The following CSGALNACT1 variants were observed in gnomAD, a reference collection of about 807,000 sequenced individuals.
The protein encoded by CSGALNACT1 is beta4GalNAcT-1.
In CSGALNACT1, 52 loss-of-function variants were observed where a neutral mutation model predicts 51.0. The observed-to-expected ratio is 1.02, with a 90% CI of 0.82 to 1.29. The LOEUF (loss-of-function observed/expected upper bound fraction) is 1.29, where lower values mean the gene tolerates loss of function less well. Among genes scored for constraint, CSGALNACT1 ranks in the 50% most tolerant of loss-of-function variants. The pLI is 0.00. For missense variants in CSGALNACT1, 935 were observed against 679.2 expected (o/e 1.38, Z -4.19); for synonymous variants, 341 against 254.4 (o/e 1.34, Z -3.24).
intron 1 of CSGALNACT1, among the ~76,000 whole-genome samples, chr8:19,635,141 C>T (rs747178517): frequency 1.3e-5 from 2 of 152,212 alleles, no homozygotes; most frequent in Non-Finnish European, 2.9e-5. Flanking sequence ...CACTGCCGTG[C>T]CCTGGGCCTG....
chr8:19,658,837 A>C (rs2058520671), intron 1 of CSGALNACT1, among the ~76,000 whole-genome samples: 1 of 152,206 alleles, frequency 6.6e-6, no homozygotes, highest in Non-Finnish European at 1.5e-5. Context: ...AACTACTTTA[A>C]GGGAATTGAG....
At chr8:19,420,264 T>C in intron 7 of CSGALNACT1, 76 bp downstream of exon 6, 1 of 1,309,288 alleles carries the variant, frequency 7.6e-7, no homozygotes. Context: ...TCAGAGTGAC[T>C]GACCCATCAA....
intron 4 of CSGALNACT1, 76 bp from the exon 4 acceptor site, chr8:19,458,718 G>T: frequency 1.6e-6 from 2 of 1,236,538 alleles, no homozygotes; most frequent in Non-Finnish European, 2.3e-6. Flanking sequence ...CCGAGATCTA[G>T]CACAGAATGC....
intron 6 of CSGALNACT1, among the ~76,000 whole-genome samples, chr8:19,431,063 C>G (rs543753641): frequency 6.6e-6 from 1 of 152,004 alleles, no homozygotes; most frequent in Non-Finnish European, 1.5e-5. Flanking sequence ...GTTCTTAGCT[C>G]TAATAGTTTT....
At chr8:19,551,697 GT>G (rs1371442263) in intron 3 of CSGALNACT1, among the ~76,000 whole-genome samples, 1 of 152,076 alleles carries the variant, frequency 6.6e-6, no homozygotes, top group Non-Finnish European at 1.5e-5. Flanking sequence ...TTGGCTTTCG[GT>G]ACTCTCCCTT....
intron 3 of CSGALNACT1, among the ~76,000 whole-genome samples, chr8:19,565,482 T>A (rs1316783675): frequency 6.6e-6 from 1 of 152,266 alleles, no homozygotes; most frequent in Non-Finnish European, 1.5e-5. Context: ...TAGTTAGAGA[T>A]ATCTTTCCAA....
chr8:19,747,273 G>A (rs775037068), intron 1 of CSGALNACT1, among the ~76,000 whole-genome samples: 1 of 152,040 alleles, frequency 6.6e-6, no homozygotes, highest in Non-Finnish European at 1.5e-5. Context: ...AAAAAAGCCG[G>A]TATTTCCAAC....
intron 1 of CSGALNACT1, among the ~76,000 whole-genome samples, chr8:19,628,502 C>T (rs555470313): frequency 2.0e-5 from 3 of 152,262 alleles, no homozygotes; most frequent in Admixed American, 1.3e-4. Flanking sequence ...AGAGCCAAAC[C>T]GTATCAACAG....
At chr8:19,703,923 T>C (rs931884796) in intron 1 of CSGALNACT1, among the ~76,000 whole-genome samples, 5 of 152,208 alleles carry the variant, frequency 3.3e-5, no homozygotes, top group Admixed American at 6.5e-5. Flanking sequence ...TCTTACATAG[T>C]ACGGGTGCAT....
chr8:19,640,239 T>G (rs1018925712), intron 1 of CSGALNACT1, among the ~76,000 whole-genome samples: 7 of 152,242 alleles, frequency 4.6e-5, no homozygotes, highest in Admixed American at 1.3e-4. Context: ...TTTGTATATT[T>G]TGCTCACTTT....
intron 3 of CSGALNACT1, among the ~76,000 whole-genome samples, chr8:19,544,857 T>C (rs1395737722): frequency 2.0e-5 from 3 of 152,118 alleles, no homozygotes; most frequent in African/African-American, 4.8e-5. Flanking sequence ...ATCTGAGATA[T>C]AAAAAAAGTT....
rs1284008217 is a variant in CSGALNACT1 at position 19,609,991 on chromosome 8, TG to T, written c.-543-8127del. On this transcript the variant is annotated intron_variant, in intron 1 of 9. Coordinates refer to the CSGALNACT1 transcript ENST00000332246. Reference sequence around the variant, plus strand: ...ATCCCAGCAGTTTGGGAGGCCGAGGTGGGTGGATCACGAGGTCAGGAGTTCA... The same window carrying T: ...ATCCCAGCAGTTTGGGAGGCCGAGGTGGTGGATCACGAGGTCAGGAGTTCA... Among the ~76,000 whole-genome samples, 146 of 151,658 alleles carry T rather than the reference TG, an allele frequency of 9.6e-4. 2 individuals carry two copies. Among genetic ancestry groups the T allele is most frequent in the Admixed American group, 9.6e-3 (146 of 15,236 alleles).
At chr8:19,425,720 A>G (rs2058671893) in intron 6 of CSGALNACT1, among the ~76,000 whole-genome samples, 1 of 152,128 alleles carries the variant, frequency 6.6e-6, no homozygotes, top group African/African-American at 2.4e-5. Context: ...TCGGCTAAAT[A>G]AAACTCGGAT....
intron 1 of CSGALNACT1, among the ~76,000 whole-genome samples, chr8:19,704,654 T>C (rs909176655): frequency 6.6e-6 from 1 of 152,096 alleles, no homozygotes; most frequent in African/African-American, 2.4e-5. Context: ...CAATAAGATA[T>C]GGAAACAATT....
intron 3 of CSGALNACT1, among the ~76,000 whole-genome samples, chr8:19,519,289 G>C (rs980863536): frequency 5.3e-5 from 8 of 152,114 alleles, no homozygotes; most frequent in African/African-American, 1.9e-4. Context: ...ACAAGTTGTT[G>C]ATCCCCATTC....
At chr8:19,593,350 C>G (rs551966031) in intron 2 of CSGALNACT1, among the ~76,000 whole-genome samples, 44 of 152,334 alleles carry the variant, frequency 2.9e-4, no homozygotes, top group African/African-American at 1.0e-3. Context: ...AGGGACCTTA[C>G]TGGTAAGGTT....
At chr8:19,485,074 CCT>C (rs1355546606) in intron 4 of CSGALNACT1, among the ~76,000 whole-genome samples, 2 of 152,114 alleles carry the variant, frequency 1.3e-5, no homozygotes, top group Non-Finnish European at 2.9e-5. Flanking sequence ...ATTGTGATGC[CCT>C]GTTATGGCAG....
At chr8:19,548,193 G>C (rs1385821415) in intron 3 of CSGALNACT1, among the ~76,000 whole-genome samples, 1 of 152,198 alleles carries the variant, frequency 6.6e-6, no homozygotes, top group East Asian at 1.9e-4. Context: ...AGTCCAACTG[G>C]AATTTTCCTC....
At chr8:19,418,197 G>A (rs1563295476) in intron 8 of CSGALNACT1, among the ~76,000 whole-genome samples, 1 of 152,148 alleles carries the variant, frequency 6.6e-6, no homozygotes, top group Non-Finnish European at 1.5e-5. Context: ...GAGCACACTG[G>A]GAGTTTCCAC....
Sources: gnomAD v4.1 joint callset for allele counts (sites outside exome capture counted in the v4.1 genomes callset) on GRCh38, gnomAD v4.1.1 for gene constraint, MANE v1.5 for transcripts, NCBI Gene and HGNC (gene_info 2026-07-23, HGNC 2026-07-21) for gene names.